SELENOF: variants seen among roughly 807,000 people sequenced by gnomAD.
SELENOF encodes selenoprotein F, also known as 15 kDa selenoprotein.
A neutral mutation model predicts 20.5 loss-of-function variants in SELENOF; 16 were observed. The observed-to-expected ratio is 0.78, with a 90% CI of 0.53 to 1.19. The LOEUF (loss-of-function observed/expected upper bound fraction) is 1.19. Among genes scored for constraint, SELENOF ranks in the 50% most tolerant of loss-of-function variants. The pLI, the probability that SELENOF is intolerant of heterozygous loss-of-function variation, is 0.00. For missense variants in SELENOF, 215 were observed against 194.2 expected (o/e 1.11, Z -0.64); for synonymous variants, 78 against 74.5 (o/e 1.05, Z -0.24).
intron 2 of SELENOF, among the ~76,000 whole-genome samples, chr1:86,887,744 T>TA (rs1659261244): frequency 6.6e-6 from 1 of 152,144 alleles, no homozygotes; most frequent in Non-Finnish European, 1.5e-5. Flanking sequence ...GGTAAGACTG[T>TA]AATGATGAGA....
At chr1:86,912,769 T>C (rs1037055728) in intron 1 of SELENOF, among the ~76,000 whole-genome samples, 3 of 152,156 alleles carry the variant, frequency 2.0e-5, no homozygotes, top group African/African-American at 4.8e-5. Context: ...AAAGCATAAA[T>C]GAGGCCAGGG....
At chr1:86,904,330 A>G (rs1400195264) in intron 1 of SELENOF, among the ~76,000 whole-genome samples, 1 of 152,230 alleles carries the variant, frequency 6.6e-6, no homozygotes, top group Non-Finnish European at 1.5e-5. Flanking sequence ...TCATAAATTA[A>G]GGGGCAATAC....
Position 86,863,523 on chromosome 1 carries a change from T to C in SELENOF, c.449A>G (p.Asn150Ser). The change falls in exon 5 of 5, where the codon AAC becomes AGC. Residue 150 changes from asparagine (N) to serine (S), a missense_variant. Asn to Ser is a conservative substitution (Grantham distance 46, BLOSUM62 1). Coordinates refer to ENST00000331835, the MANE Select transcript of SELENOF (RefSeq NM_004261.5). The stretch of plus-strand genomic sequence containing the variant: ...CAGGAATTCTTCTACACTGTCTGTG[T>C]TCCATTTGAGAATGCTCAGTTCTTC... ...IAEELSILKW[N>S]TDSVEEFLSE... 6.2e-7 allele frequency: 1 copy of C among 1,613,722 alleles called. No homozygotes were observed. Among genetic ancestry groups the C allele is most frequent in the Non-Finnish European group, 8.5e-7 (1 of 1,179,688 alleles).
At chr1:86,869,516 T>C (rs1658699286) in intron 3 of SELENOF, among the ~76,000 whole-genome samples, 3 of 152,188 alleles carry the variant, frequency 2.0e-5, no homozygotes, top group African/African-American at 7.2e-5. Flanking sequence ...TCTTAAAATA[T>C]ATAAAGTGGT....
rs1192009142 is a variant in SELENOF at position 86,903,332 on chromosome 1, A to T, written c.201T>A (p.Asp67Glu). ...CCTGACAGCATCCTCTGCAATCAGG[A>T]TCCAGCTGAAGCAGGTTGAACTGTC... is the stretch of plus-strand genomic sequence containing the variant. ...LLGQFNLLQL[D>E]PDCRGCCQEE... is the part of the protein sequence containing the mutation. Residue 67 changes from aspartate to glutamate, a missense_variant, in exon 2 of 5, where the codon GAT becomes GAA. Coordinates refer to ENST00000331835, the MANE Select transcript of SELENOF (RefSeq NM_004261.5). 3.7e-6 allele frequency: 6 copies of T among 1,612,320 alleles called. No homozygotes were observed. The highest frequency in any genetic ancestry group is 5.1e-6 in the Non-Finnish European group (6 of 1,179,154).
chr1:86,889,624 A>C lies in SELENOF; in HGVS notation c.253-8899T>G, dbSNP rs185010188. ...CAAACAAACAAAACAACAACAACAA[A>C]AAAACTATTTACAGCTAAGGGGTAT... On this transcript the variant is annotated intron_variant, in intron 2 of 4. Coordinates refer to ENST00000331835, the MANE Select transcript of SELENOF (RefSeq NM_004261.5). Among the ~76,000 whole-genome samples the C allele has an allele frequency of 1.1e-4, 16 of 152,160 alleles. No homozygotes were observed. The East Asian group carries it at 2.9e-3, about 28-fold the overall frequency.
chr1:86,902,729 CAT>C (rs1659733119), intron 2 of SELENOF, among the ~76,000 whole-genome samples: 1 of 152,138 alleles, frequency 6.6e-6, no homozygotes, highest in Admixed American at 6.5e-5. Context: ...GGTTTTAAAA[CAT>C]AGTAGGTTTA....
intron 2 of SELENOF, among the ~76,000 whole-genome samples, chr1:86,882,191 G>C (rs2102090246): frequency 6.9e-6 from 1 of 145,498 alleles, no homozygotes; most frequent in Non-Finnish European, 1.5e-5. Flanking sequence ...GAAGGTTGCA[G>C]TGAGCCGAGA....
upstream of SELENOF, chr1:86,914,267 T>C (rs1660078822): frequency 1.5e-6 from 1 of 657,680 alleles, no homozygotes; most frequent in Non-Finnish European, 2.7e-6. Flanking sequence ...TTAAAAGTCA[T>C]CAAATACAAT....
intron 2 of SELENOF, among the ~76,000 whole-genome samples, chr1:86,882,247 C>CAAAAAAAAAAAA (rs61037512): frequency 1.9e-3 from 118 of 61,714 alleles, no homozygotes; most frequent in Middle Eastern, 0.013. Flanking sequence ...GACTCTGTCT[C>CAAAAAAAAAAAA]AAAAAAAAAA....
chr1:86,869,091 G>C (rs1658687019), intron 3 of SELENOF, among the ~76,000 whole-genome samples: 2 of 152,150 alleles, frequency 1.3e-5, no homozygotes, highest in Non-Finnish European at 2.9e-5. Flanking sequence ...GAATACTAAA[G>C]GTTAGAGAGG....
intron 2 of SELENOF, among the ~76,000 whole-genome samples, chr1:86,899,092 A>G (rs552621816): frequency 2.6e-5 from 4 of 151,710 alleles, no homozygotes; most frequent in South Asian, 2.1e-4. Context: ...AGAGAGCACA[A>G]GGTTGTGGGG....
At chr1:86,901,425 A>G (rs1164483480) in intron 2 of SELENOF, among the ~76,000 whole-genome samples, 1 of 136,504 alleles carries the variant, frequency 7.3e-6, no homozygotes. Context: ...TAGTCTTACT[A>G]AAAAAAAAAA....
chr1:86,908,564 C>T (rs909450077), intron 1 of SELENOF, among the ~76,000 whole-genome samples: 5 of 152,166 alleles, frequency 3.3e-5, no homozygotes, highest in Admixed American at 6.5e-5. Context: ...TTACTGACTA[C>T]CATATTTCAC....
rs1553128676 is a variant in SELENOF at position 86,907,997 on chromosome 1, A to AC, written c.85-4550dup. 1.4e-3 allele frequency among the ~76,000 whole-genome samples: 200 copies of AC among 141,872 alleles called. 2 individuals carry two copies. The highest frequency in any genetic ancestry group is 5.5e-3 in the African/African-American group (191 of 34,832). 93.1% of individuals were successfully genotyped at this position (141,872 alleles called of 152,430 possible). ...GTGAATCGCCATCTCAAAAAAAAAAACAAAAAAAAAAACCAAGGCTCTATT... is the reference window on the plus strand; with the variant it reads ...GTGAATCGCCATCTCAAAAAAAAAAACCAAAAAAAAAAACCAAGGCTCTATT... On this transcript the variant is annotated intron_variant, in intron 1 of 4. Coordinates refer to ENST00000331835, the MANE Select transcript of SELENOF (RefSeq NM_004261.5).
intron 2 of SELENOF, among the ~76,000 whole-genome samples, chr1:86,891,373 T>C (rs113682612): frequency 5.1e-4 from 77 of 152,298 alleles, no homozygotes; most frequent in African/African-American, 1.7e-3. Flanking sequence ...TTCTACTCCT[T>C]GAAGACAAGG....
chr1:86,901,192 G>A (rs889179285), intron 2 of SELENOF, among the ~76,000 whole-genome samples: 1 of 152,116 alleles, frequency 6.6e-6, no homozygotes. Flanking sequence ...TTTAAATTAA[G>A]CCTTAAGCCA....
At chr1:86,907,985 TCAAAAAAAAAAA>T (rs1159406894) in intron 1 of SELENOF, among the ~76,000 whole-genome samples, 1 of 135,888 alleles carries the variant, frequency 7.4e-6, no homozygotes, top group East Asian at 2.1e-4. Context: ...AATCGCCATC[TCAAAAAAAAAAA>T]CAAAAAAAAA....
intron 3 of SELENOF, among the ~76,000 whole-genome samples, chr1:86,878,667 GAGAC>G (rs1216802494): frequency 6.6e-6 from 1 of 152,144 alleles, no homozygotes; most frequent in Non-Finnish European, 1.5e-5. Flanking sequence ...GGGCGACAGT[GAGAC>G]TCTGTCTCAA....
Sources: gnomAD v4.1 joint callset for allele counts (sites outside exome capture counted in the v4.1 genomes callset) on GRCh38, gnomAD v4.1.1 for gene constraint, MANE v1.5 for transcripts, NCBI Gene and HGNC (gene_info 2026-07-23, HGNC 2026-07-21) for gene names.